Variants in SPAG17 observed in about 807,000 individuals in gnomAD.
SPAG17 encodes the protein sperm associated antigen 17, also known as sperm-associated antigen 17.
Under a neutral mutation model 273.6 loss-of-function variants are expected in SPAG17, and 169 were observed. The ratio of observed to expected loss-of-function variants is 0.62; its 90% CI spans 0.55 to 0.70. The LOEUF (loss-of-function observed/expected upper bound fraction) is 0.70, where lower values mean the gene tolerates loss of function less well. SPAG17 is among the 30% of genes least tolerant of loss of function. The pLI is 0.00. For missense variants in SPAG17, 2,557 were observed against 2,627.8 expected (o/e 0.97, Z 0.59); for synonymous variants, 825 against 873.2 (o/e 0.94, Z 0.97).
intron 34 of SPAG17, among the ~76,000 whole-genome samples, chr1:117,995,316 G>T (rs758818478): frequency 3.3e-5 from 5 of 152,026 alleles, no homozygotes; most frequent in Non-Finnish European, 7.4e-5. Context: ...TCATACAGTT[G>T]TGTGACTTTA....
chr1:117,961,159 T>A (rs1653037908), intron 48 of SPAG17: 1 of 152,202 alleles, frequency 6.6e-6, no homozygotes, highest in Admixed American at 6.6e-5. Context: ...GGCAGGCGCT[T>A]GTAATCCCAG....
At position 118,028,235 on chromosome 1, in the gene SPAG17, T is replaced by C. The variant is rs1390585859; in HGVS notation, c.3730+39A>G. ...ATTTCCTGTTTTCTACGTGACATTT[T>C]GCTCCCTGCTTCCCCACCCTACCCC... On this transcript the variant is annotated intron_variant, in intron 26 of 48. Transcript: ENST00000336338. The C allele has an allele frequency of 2.5e-6, 4 of 1,577,748 alleles. No homozygotes were observed. In the East Asian group the frequency reaches 9.0e-5, roughly 36 times the overall value.
intron 3 of SPAG17, among the ~76,000 whole-genome samples, chr1:118,131,050 C>T (rs1267016826): frequency 6.6e-6 from 1 of 152,216 alleles, no homozygotes; most frequent in Non-Finnish European, 1.5e-5. Context: ...ACTCAAACCA[C>T]AATGAGCTAT....
chr1:117,990,580 C>T (rs1271998448), intron 38 of SPAG17, among the ~76,000 whole-genome samples: 1 of 152,064 alleles, frequency 6.6e-6, no homozygotes, highest in African/African-American at 2.4e-5. Context: ...ATAGTTGAGG[C>T]TAACATAAAA....
At chr1:118,050,902 T>G (rs1650931903) in intron 20 of SPAG17, among the ~76,000 whole-genome samples, 1 of 151,742 alleles carries the variant, frequency 6.6e-6, no homozygotes, top group Admixed American at 6.6e-5. Flanking sequence ...TGGCATCACG[T>G]TAGACTAAAA....
At chr1:118,019,840 C>A (rs1430415275) in intron 28 of SPAG17, among the ~76,000 whole-genome samples, 1 of 152,086 alleles carries the variant, frequency 6.6e-6, no homozygotes, top group Non-Finnish European at 1.5e-5. Flanking sequence ...TATCTATAAG[C>A]TAGAATTATA....
chr1:118,101,966 G>A (rs373282052), intron 4 of SPAG17, 40 bp from the exon 5 acceptor site: 58 of 1,551,610 alleles, frequency 3.7e-5, no homozygotes, highest in Admixed American at 3.6e-5. Flanking sequence ...ATCAAACAGT[G>A]AGCAAGCAAT....
At chr1:118,092,221 C>T (rs1655421629) in intron 8 of SPAG17, among the ~76,000 whole-genome samples, 1 of 152,156 alleles carries the variant, frequency 6.6e-6, no homozygotes, top group African/African-American at 2.4e-5. Context: ...CCTACCAGAA[C>T]CCACTGAGCA....
chr1:118,118,387 T>C (rs1359514161), intron 3 of SPAG17, among the ~76,000 whole-genome samples: 1 of 152,048 alleles, frequency 6.6e-6, no homozygotes, highest in Admixed American at 6.6e-5. Flanking sequence ...TAAGAGAACA[T>C]GTGAGCAGCG....
At chr1:118,140,940 G>C (rs571169146) in intron 3 of SPAG17, among the ~76,000 whole-genome samples, 1 of 152,064 alleles carries the variant, frequency 6.6e-6, no homozygotes, top group African/African-American at 2.4e-5. Flanking sequence ...ACAGGCACCC[G>C]GGCCTTCTTT....
intron 34 of SPAG17, among the ~76,000 whole-genome samples, chr1:117,996,079 G>C (rs1206545604): frequency 6.6e-6 from 1 of 151,944 alleles, no homozygotes; most frequent in East Asian, 1.9e-4. Flanking sequence ...CAGAACTTTG[G>C]TACATACCTA....
At chr1:117,990,822 T>C in intron 38 of SPAG17, 39 bp downstream of exon 38, 1 of 1,391,516 alleles carries the variant, frequency 7.2e-7, no homozygotes. Flanking sequence ...CCTTTGAAAC[T>C]TGTAAATATA....
At chr1:118,151,472 C>A in intron 1 of SPAG17, 103 bp from the exon 2 acceptor site, 1 of 1,176,088 alleles carries the variant, frequency 8.5e-7, no homozygotes. Flanking sequence ...GTAAATCTTA[C>A]TTGAAAGACA....
chr1:118,009,814 T>C (rs1404813342), intron 30 of SPAG17, among the ~76,000 whole-genome samples: 1 of 151,656 alleles, frequency 6.6e-6, no homozygotes, highest in Non-Finnish European at 1.5e-5. Context: ...AAAACCAAGA[T>C]TTGGAATCAG....
At position 117,970,175 on chromosome 1, in the gene SPAG17, TA is replaced by T. The variant is rs1571096832; in HGVS notation, c.6327-60del. 5 of 1,508,128 alleles carry T rather than the reference TA, an allele frequency of 3.3e-6. No individual in the cohort carries two copies. In the East Asian group the frequency reaches 1.1e-4, roughly 34 times the overall value. 93.4% of individuals were successfully genotyped at this position (1,508,128 alleles called of 1,614,324 possible). A position where few individuals can be genotyped will look rare whatever the true frequency, so the allele number is the denominator to read the frequency against. ...CATAATGAAACCCATGAGCAATGAA[TA>T]AGCTGGGATGTTATAAAATAAGGAA... On this transcript the variant is annotated intron_variant, in intron 45 of 48. Coordinates refer to ENST00000336338, the MANE Select transcript of SPAG17 (RefSeq NM_206996.4).
chr1:118,055,735 T>C lies in SPAG17; in HGVS notation c.2720A>G (p.Lys907Arg). 6.2e-7 allele frequency: 1 copy of C among 1,608,926 alleles called. No homozygotes were observed. Among genetic ancestry groups the C allele is most frequent in the East Asian group, 2.2e-5 (1 of 44,736 alleles). The change falls in exon 19 of 49, where the codon AAA becomes AGA. Residue 907 changes from lysine (K) to arginine (R), a missense_variant and splice_region_variant. By Grantham distance (26) the Lys-to-Arg change is conservative. Coordinates refer to ENST00000336338, the MANE Select transcript of SPAG17 (RefSeq NM_206996.4). Reference sequence around the variant, plus strand: ...TATAAGTTGAACTGGTTACTTACTTTTAGATTCTTTAATGGAAAAAATTTT... The same window carrying C: ...TATAAGTTGAACTGGTTACTTACTTCTAGATTCTTTAATGGAAAAAATTTT... Reference protein sequence around the residue: ...ASKIFSIKESKSNKGISKTEI... With the variant: ...ASKIFSIKESRSNKGISKTEI...
At chr1:118,043,574 A>T (rs1004728366) in intron 20 of SPAG17, among the ~76,000 whole-genome samples, 4 of 152,210 alleles carry the variant, frequency 2.6e-5, no homozygotes, top group Admixed American at 6.5e-5. Context: ...ACAACATTAT[A>T]TAATGGTGTG....
Position 118,042,055 on chromosome 1 carries a change from T to C in SPAG17, c.2815-13A>G. The C allele has an allele frequency of 1.3e-6, 2 of 1,593,082 alleles. No homozygotes were observed. ...CTTCTTTCCATGCCTGTAAACACAT[T>C]TAAGAAATTTAACAGGATTTTTAAA... On this transcript the variant is annotated splice_polypyrimidine_tract_variant and intron_variant, in intron 20 of 48. Coordinates refer to ENST00000336338, the MANE Select transcript of SPAG17 (RefSeq NM_206996.4).
At position 118,148,518 on chromosome 1, in the gene SPAG17, T is replaced by TCCATTTTACAGAGTGCTGATTGGC. The variant is rs1461919242; in HGVS notation, c.315+2001_315+2024dup. 1.7e-4 allele frequency among the ~76,000 whole-genome samples: 23 copies of TCCATTTTACAGAGTGCTGATTGGC among 138,996 alleles called. No homozygotes were observed. The South Asian group carries it at 2.8e-3, about 17-fold the overall frequency. 91.2% of individuals were successfully genotyped at this position (138,996 alleles called of 152,430 possible). A position where few individuals can be genotyped will look rare whatever the true frequency, so the allele number is the denominator to read the frequency against. On this transcript the variant is annotated intron_variant, in intron 3 of 48. Transcript: ENST00000336338. ...GTCCATTTTACAGACTGCTGATTGG[T>TCCATTTTACAGAGTGCTGATTGGC]CCATTTTACAGAGTGCTGATTGGCC...
Sources: allele counts gnomAD v4.1 joint callset (sites outside exome capture counted in the v4.1 genomes callset), GRCh38; gene constraint gnomAD v4.1.1; transcripts MANE v1.5; gene names NCBI Gene and HGNC (gene_info 2026-07-23, HGNC 2026-07-21).